Variants in ZDHHC14 observed in about 807,000 individuals in gnomAD.
ZDHHC14 encodes zDHHC palmitoyltransferase 14, also known as palmitoyltransferase ZDHHC14.
ZDHHC14 carries 16 observed loss-of-function variants against 47.7 expected under a neutral mutation model. That is an observed-to-expected ratio of 0.34 (90% CI 0.23 to 0.51). The LOEUF is 0.51. ZDHHC14 is among the 20% of genes least tolerant of loss of function. The pLI, the probability that ZDHHC14 is intolerant of heterozygous loss-of-function variation, is 0.97. For missense variants in ZDHHC14, 515 were observed against 662.5 expected (o/e 0.78, Z 2.44); for synonymous variants, 293 against 278.9 (o/e 1.05, Z -0.50).
intron 1 of ZDHHC14, among the ~76,000 whole-genome samples, chr6:157,413,382 G>A (rs1426460128): frequency 1.3e-5 from 2 of 152,136 alleles, no homozygotes; most frequent in Admixed American, 6.5e-5. Flanking sequence ...TCGTCTCCTC[G>A]CCTGGCATCT....
At position 157,595,174 on chromosome 6, in the gene ZDHHC14, A is replaced by ATTTTTT. The variant is rs777568494; in HGVS notation, c.565+2059_565+2064dup. Among the ~76,000 whole-genome samples the ATTTTTT allele has an allele frequency of 6.4e-5, 4 of 62,716 alleles. 1 individual carries two copies. Among genetic ancestry groups the ATTTTTT allele is most frequent in the African/African-American group, 1.5e-4 (2 of 13,538 alleles). The allele number at this position is 62,716 out of a possible 152,430, so 41.1% of individuals were successfully genotyped here. A position where few individuals can be genotyped will look rare whatever the true frequency, so the allele number is the denominator to read the frequency against. ...CCTCTGTTTCTTGTCTCTAGGCTAGATTTTTTTTTTTTTTTTTTTTTTTTT... is the reference window on the plus strand; with the variant it reads ...CCTCTGTTTCTTGTCTCTAGGCTAGATTTTTTTTTTTTTTTTTTTTTTTTTTTTTTT... On this transcript the variant is annotated intron_variant, in intron 3 of 8. Transcript: ENST00000359775.
At chr6:157,426,433 C>T (rs1012410286) in intron 1 of ZDHHC14, among the ~76,000 whole-genome samples, 1 of 152,138 alleles carries the variant, frequency 6.6e-6, no homozygotes, top group Non-Finnish European at 1.5e-5. Context: ...TGCCACATGC[C>T]GCATTAGGGT....
At chr6:157,541,085 T>C (rs1781744809) in intron 1 of ZDHHC14, among the ~76,000 whole-genome samples, 1 of 152,132 alleles carries the variant, frequency 6.6e-6, no homozygotes, top group Admixed American at 6.5e-5. Flanking sequence ...GATTCACCTC[T>C]TGCTAATACT....
chr6:157,418,141 G>A (rs140100957), intron 1 of ZDHHC14, among the ~76,000 whole-genome samples: 267 of 152,168 alleles, frequency 1.8e-3, no homozygotes, highest in African/African-American at 6.1e-3. Context: ...AGGTGAGGCC[G>A]TGGCTTCCCC....
In ZDHHC14 at chr6:157,496,372, A is replaced by ACC. The variant is rs367891245; in HGVS notation, c.246-46206_246-46205dup. ...CCCTCCCACATTGGGGAGGAAGTTAACCCCCCCCATGCTATTTTAGGTTGA... is the reference window on the plus strand; with the variant it reads ...CCCTCCCACATTGGGGAGGAAGTTAACCCCCCCCCCATGCTATTTTAGGTTGA... On this transcript the variant is annotated intron_variant, in intron 1 of 8. Coordinates refer to ENST00000359775, the MANE Select transcript of ZDHHC14 (RefSeq NM_024630.3). Among the ~76,000 whole-genome samples the ACC allele has an allele frequency of 2.4e-3, 358 of 150,554 alleles. 2 individuals are homozygous for ACC. Among genetic ancestry groups the ACC allele is most frequent in the African/African-American group, 8.3e-3 (338 of 40,908 alleles).
intron 2 of ZDHHC14, among the ~76,000 whole-genome samples, chr6:157,550,094 A>T (rs1007877010): frequency 6.6e-6 from 1 of 152,182 alleles, no homozygotes; most frequent in African/African-American, 2.4e-5. Context: ...TCCTTACAGG[A>T]AGAGAAATTG....
At chr6:157,397,795 C>T (rs138054292) in intron 1 of ZDHHC14, among the ~76,000 whole-genome samples, 12 of 152,338 alleles carry the variant, frequency 7.9e-5, no homozygotes, top group Admixed American at 7.2e-4. Context: ...TTTTCTGCAG[C>T]GCTCTGAAGG....
At chr6:157,668,678 T>A (rs1778660030) in intron 8 of ZDHHC14, among the ~76,000 whole-genome samples, 1 of 152,132 alleles carries the variant, frequency 6.6e-6, no homozygotes, top group Non-Finnish European at 1.5e-5. Flanking sequence ...CCAGCCTGGG[T>A]GACAGAGTGA....
At chr6:157,563,202 G>A (rs931539320) in intron 2 of ZDHHC14, among the ~76,000 whole-genome samples, 1 of 152,224 alleles carries the variant, frequency 6.6e-6, no homozygotes, top group Non-Finnish European at 1.5e-5. Flanking sequence ...TCAAGGGCCT[G>A]GATGGCAGAA....
intron 1 of ZDHHC14, among the ~76,000 whole-genome samples, chr6:157,442,043 C>G (rs17297221): frequency 0.19 from 28,250 of 152,070 alleles, 2,889 homozygotes; most frequent in East Asian, 0.34. Context: ...ATCCAGCCCT[C>G]AGAATAATAG....
intron 1 of ZDHHC14, among the ~76,000 whole-genome samples, chr6:157,395,989 G>A (rs1777514088): frequency 6.6e-6 from 1 of 152,030 alleles, no homozygotes; most frequent in South Asian, 2.1e-4. Context: ...GTGTATAGCA[G>A]TCCAGTTGAT....
intron 3 of ZDHHC14, among the ~76,000 whole-genome samples, chr6:157,602,274 AG>A (rs1479572751): frequency 1.3e-5 from 2 of 151,702 alleles, no homozygotes. Flanking sequence ...TGGGAGGTCA[AG>A]GTGGGCCAGT....
At chr6:157,638,228 G>A (rs1777078022) in intron 5 of ZDHHC14, among the ~76,000 whole-genome samples, 1 of 152,214 alleles carries the variant, frequency 6.6e-6, no homozygotes, top group Admixed American at 6.5e-5. Context: ...AGGGCAGGGT[G>A]CCCACTGCTG....
At chr6:157,626,902 G>A (rs978362308) in intron 3 of ZDHHC14, among the ~76,000 whole-genome samples, 7 of 103,810 alleles carry the variant, frequency 6.7e-5, no homozygotes, top group South Asian at 3.9e-4. Context: ...GGGGGGGGGC[G>A]GCGGGGGCAG....
intron 1 of ZDHHC14, among the ~76,000 whole-genome samples, chr6:157,447,626 G>T (rs34188451): frequency 0.046 from 6,942 of 152,274 alleles, 523 homozygotes; most frequent in African/African-American, 0.16. Flanking sequence ...TGCAGGCAGG[G>T]TGAGGAAGAC....
intron 1 of ZDHHC14, among the ~76,000 whole-genome samples, chr6:157,436,114 C>T (rs566154964): frequency 6.6e-6 from 1 of 152,054 alleles, no homozygotes; most frequent in South Asian, 2.1e-4. Flanking sequence ...ATTTTGGAGG[C>T]CAGGCTAGAG....
intron 1 of ZDHHC14, among the ~76,000 whole-genome samples, chr6:157,512,851 G>T (rs1248685673): frequency 1.3e-5 from 2 of 152,198 alleles, no homozygotes; most frequent in East Asian, 3.8e-4. Context: ...CATTATTTGA[G>T]AAATTATTTA....
chr6:157,467,130 C>T (rs569614008), intron 1 of ZDHHC14, among the ~76,000 whole-genome samples: 60 of 152,290 alleles, frequency 3.9e-4, no homozygotes, highest in African/African-American at 1.4e-3. Flanking sequence ...ATAAAATTCT[C>T]GCATTGCAAG....
intron 2 of ZDHHC14, among the ~76,000 whole-genome samples, chr6:157,570,760 C>T (rs1269673396): frequency 6.7e-6 from 1 of 148,228 alleles, no homozygotes; most frequent in Non-Finnish European, 1.5e-5. Context: ...TACATACACA[C>T]ACACACACAC....
Sources: gnomAD v4.1 joint callset for allele counts (sites outside exome capture counted in the v4.1 genomes callset) on GRCh38, gnomAD v4.1.1 for gene constraint, MANE v1.5 for transcripts, NCBI Gene and HGNC (gene_info 2026-07-23, HGNC 2026-07-21) for gene names.